The following CORIN variants were observed in gnomAD, a reference collection of about 807,000 sequenced individuals.
CORIN encodes the protein corin, serine peptidase.
CORIN carries 117 observed loss-of-function variants against 125.3 expected under a neutral mutation model. The ratio of observed to expected loss-of-function variants is 0.93; its 90% CI spans 0.80 to 1.09. The LOEUF (loss-of-function observed/expected upper bound fraction) is 1.09. Ranked by LOEUF, CORIN falls within the 50% of genes least tolerant of loss-of-function variation. CORIN has a pLI of 0.00. For missense variants in CORIN, 1,253 were observed against 1,306.7 expected (o/e 0.96, Z 0.63); for synonymous variants, 450 against 466.4 (o/e 0.96, Z 0.45).
At chr4:47,706,583 G>A in intron 5 of CORIN, 5 of 1,605,752 alleles carry the variant, frequency 3.1e-6, no homozygotes, top group South Asian at 2.2e-5. Context: ...CGTGGTGGCC[G>A]AAAACGCCCA....
At chr4:47,675,854 T>C (rs554276251) in intron 9 of CORIN, among the ~76,000 whole-genome samples, 5 of 152,318 alleles carry the variant, frequency 3.3e-5, no homozygotes, top group Admixed American at 1.3e-4. Flanking sequence ...ATTACAGGCA[T>C]GTGCTACCAC....
At chr4:47,758,240 C>T (rs943317551) in intron 4 of CORIN, among the ~76,000 whole-genome samples, 4 of 151,966 alleles carry the variant, frequency 2.6e-5, no homozygotes, top group African/African-American at 7.3e-5. Flanking sequence ...AAACCCAATC[C>T]TGCTTACAAT....
At chr4:47,603,754 A>C in intron 19 of CORIN, 86 bp from the exon 20 acceptor site, 1 of 1,443,408 alleles carries the variant, frequency 6.9e-7, no homozygotes, top group South Asian at 1.4e-5. Flanking sequence ...CATTTTATTT[A>C]TGTAAATAAT....
rs1268522855 is a variant in CORIN at position 47,661,761 on chromosome 4, T to C, written c.1685A>G (p.Glu562Gly). 6.2e-7 allele frequency: 1 copy of C among 1,613,572 alleles called. No homozygotes were observed. The highest frequency in any genetic ancestry group is 1.7e-5 in the Admixed American group (1 of 59,990). Residue 562 changes from glutamate to glycine, a missense_variant, in exon 12 of 22, where the codon GAG (glutamate) becomes GGG (glycine). Coordinates refer to ENST00000273857, the MANE Select transcript of CORIN (RefSeq NM_006587.4). ...GCAGGTTTGATTGTCTGAATTTTCC[T>C]CTGGAAATTGACTGCAATCTGTGTC... is the stretch of plus-strand genomic sequence containing the variant. ...PEDTDCSQFP[E>G]ENSDNQTCLM... is the part of the protein sequence containing the mutation.
At chr4:47,781,439 T>C (rs1007544936) in intron 3 of CORIN, among the ~76,000 whole-genome samples, 7 of 152,210 alleles carry the variant, frequency 4.6e-5, no homozygotes, top group East Asian at 1.9e-4. Context: ...GTCCAATATG[T>C]TATTATAAAA....
At chr4:47,667,442 T>C (rs1724530720) in intron 10 of CORIN, among the ~76,000 whole-genome samples, 1 of 152,198 alleles carries the variant, frequency 6.6e-6, no homozygotes. Flanking sequence ...CAAGCAAGTG[T>C]CCTGGTAAAA....
chr4:47,718,104 G>A (rs190094213), intron 5 of CORIN, among the ~76,000 whole-genome samples: 80 of 152,292 alleles, frequency 5.3e-4, no homozygotes, highest in African/African-American at 1.8e-3. Flanking sequence ...TGTGCCAAGT[G>A]CTGAAATGGA....
intron 16 of CORIN, among the ~76,000 whole-genome samples, chr4:47,628,703 G>T (rs1722684580): frequency 6.6e-6 from 1 of 152,072 alleles, no homozygotes; most frequent in South Asian, 2.1e-4. Context: ...ATATAAATGA[G>T]ATCATGCAGT....
At chr4:47,686,104 A>G (rs1282317078) in intron 6 of CORIN, among the ~76,000 whole-genome samples, 2 of 150,270 alleles carry the variant, frequency 1.3e-5, no homozygotes, top group Non-Finnish European at 3.0e-5. Context: ...CAGTTAAAAC[A>G]TTAGGCTTGC....
chr4:47,782,549 A>AC (rs1366229337), intron 3 of CORIN, among the ~76,000 whole-genome samples: 3 of 152,200 alleles, frequency 2.0e-5, no homozygotes, highest in African/African-American at 4.8e-5. Flanking sequence ...CTAGGTATAA[A>AC]CCCAAGAGAA....
chr4:47,661,614 A>G (rs1185841581), intron 12 of CORIN, 97 bp downstream of exon 12: 19 of 1,151,694 alleles, frequency 1.6e-5, no homozygotes, highest in Non-Finnish European at 2.0e-5. Flanking sequence ...TAAATAGAAA[A>G]CAAACAAACA....
intron 1 of CORIN, among the ~76,000 whole-genome samples, chr4:47,816,832 GCACA>G (rs981273526): frequency 6.7e-6 from 1 of 148,788 alleles, no homozygotes; most frequent in African/African-American, 2.5e-5. Flanking sequence ...CATAGCACAA[GCACA>G]CACACACGTG....
rs116510175 is a variant in CORIN, at chr4:47,833,235, G to C, written c.63+4652C>G. ...AACAGCCATATGGCCAAACAGAAGA[G>C]AGATCCCAGAAATAAACTCATACAT... is the stretch of plus-strand genomic sequence containing the variant. On this transcript the variant is annotated intron_variant, in intron 1 of 21. Transcript: ENST00000273857. Among the ~76,000 whole-genome samples, 857 of 152,102 alleles carry C rather than the reference G, an allele frequency of 5.6e-3. 5 individuals carry two copies. The highest frequency in any genetic ancestry group is 0.019 in the African/African-American group (803 of 41,508).
chr4:47,699,549 C>T (rs1726189025), intron 5 of CORIN, among the ~76,000 whole-genome samples: 1 of 152,188 alleles, frequency 6.6e-6, no homozygotes, highest in African/African-American at 2.4e-5. Context: ...GTTTTTCTTA[C>T]TGCTATACCC....
chr4:47,837,883 T>C lies in CORIN; in HGVS notation c.63+4A>G. The C allele has an allele frequency of 6.2e-7, 1 of 1,613,280 alleles. No individual in the cohort carries two copies. The highest frequency in any genetic ancestry group is 1.1e-5 in the South Asian group (1 of 91,062). On this transcript the variant is annotated splice_donor_region_variant and intron_variant, in intron 1 of 21. Transcript: ENST00000273857. The stretch of plus-strand genomic sequence containing the variant: ...GCGGTAGGACAGCGAATCATCGATC[T>C]TACCGGCTTTGGGGACCCGGCTCTG...
At position 47,776,604 on chromosome 4, in the gene CORIN, C is replaced by T. The variant is rs111618476; in HGVS notation, c.409+10121G>A. ...ATTATATTGAGTGCATATCTATAAA[C>T]ACATAGCCACAACAAAACAGACTCT... On this transcript the variant is annotated intron_variant, in intron 3 of 21. Coordinates refer to ENST00000273857, the MANE Select transcript of CORIN (RefSeq NM_006587.4). Among the ~76,000 whole-genome samples, 15 of 152,282 alleles carry T rather than the reference C, an allele frequency of 9.9e-5. 1 individual carries two copies. Among genetic ancestry groups the T allele is most frequent in the African/African-American group, 3.4e-4 (14 of 41,572 alleles).
chr4:47,607,955 GA>G (rs112787504), intron 19 of CORIN, among the ~76,000 whole-genome samples: 2,669 of 142,348 alleles, frequency 0.019, 33 homozygotes, highest in Middle Eastern at 0.043. Context: ...TCAAAAAAAA[GA>G]AAAAAAAAAA....
intron 3 of CORIN, among the ~76,000 whole-genome samples, chr4:47,766,612 C>T (rs1729756679): frequency 6.6e-6 from 1 of 151,938 alleles, no homozygotes; most frequent in Non-Finnish European, 1.5e-5. Flanking sequence ...AAACCTTTGC[C>T]AGAAAAACAA....
At chr4:47,815,300 CAA>C (rs1284529005) in intron 1 of CORIN, among the ~76,000 whole-genome samples, 1 of 148,260 alleles carries the variant, frequency 6.7e-6, no homozygotes, top group Non-Finnish European at 1.5e-5. Context: ...TCAGAAAGCT[CAA>C]GAGTCCTGAT....
Sources: gnomAD v4.1 joint callset for allele counts (sites outside exome capture counted in the v4.1 genomes callset) on GRCh38, gnomAD v4.1.1 for gene constraint, MANE v1.5 for transcripts, NCBI Gene and HGNC (gene_info 2026-07-23, HGNC 2026-07-21) for gene names.